RUVBL1: variants seen among roughly 807,000 people sequenced by gnomAD.
RUVBL1 encodes RuvB like AAA ATPase 1.
In RUVBL1, 4 loss-of-function variants were observed where a neutral mutation model predicts 52.4. The ratio of observed to expected loss-of-function variants is 0.08; its 90% CI spans 0.04 to 0.17. The LOEUF (loss-of-function observed/expected upper bound fraction) is 0.17. Ranked by LOEUF, RUVBL1 falls within the 10% of genes least tolerant of loss-of-function variation. The pLI is 1.00. For missense variants in RUVBL1, 298 were observed against 572.8 expected (o/e 0.52, Z 4.90); for synonymous variants, 217 against 214.4 (o/e 1.01, Z -0.10).
intron 2 of RUVBL1, among the ~76,000 whole-genome samples, chr3:128,116,949 T>A (rs1157906949): frequency 6.6e-6 from 1 of 152,246 alleles, no homozygotes; most frequent in African/African-American, 2.4e-5. Context: ...AAGGTGGGTC[T>A]GATGATGGCA....
At chr3:128,066,255 G>A (rs1941974462) in intron 9 of RUVBL1, among the ~76,000 whole-genome samples, 1 of 152,170 alleles carries the variant, frequency 6.6e-6, no homozygotes, top group African/African-American at 2.4e-5. Flanking sequence ...CAGAGCCAGT[G>A]TAAAAGCTTA....
At position 128,107,127 on chromosome 3, in the gene RUVBL1, G is replaced by A. The variant is rs148899370; in HGVS notation, c.362-2203C>T. On this transcript the variant is annotated intron_variant, in intron 3 of 10. Transcript: ENST00000322623. ...AAGACCACTGATGGCCTAAGTTTAC[G>A]AAATACTGCTCTAAATCTCCGCTGG... is the stretch of plus-strand genomic sequence containing the variant. 2.3e-3 allele frequency among the ~76,000 whole-genome samples: 347 copies of A among 152,260 alleles called. 1 individual carries two copies. Among genetic ancestry groups the A allele is most frequent in the Non-Finnish European group, 3.5e-3 (239 of 68,018 alleles).
chr3:128,135,688 C>T (rs1943938053), intron 1 of RUVBL1, among the ~76,000 whole-genome samples: 1 of 152,148 alleles, frequency 6.6e-6, no homozygotes, highest in Admixed American at 6.5e-5. Context: ...ACTTGTCCTA[C>T]AAGAAATGCT....
intron 8 of RUVBL1, among the ~76,000 whole-genome samples, chr3:128,091,659 A>C (rs1375504825): frequency 6.6e-6 from 1 of 152,192 alleles, no homozygotes; most frequent in Non-Finnish European, 1.5e-5. Flanking sequence ...TGGCTGACTC[A>C]TTTGTGACTA....
chr3:128,153,834 G>A, exon 1 of RUVBL1: 1 of 1,501,178 alleles, frequency 6.7e-7, no homozygotes, highest in Non-Finnish European at 8.8e-7. Flanking sequence ...GTGAGCGCGG[G>A]CCGGGGCGGG....
chr3:128,071,118 A>C (rs560145932), intron 9 of RUVBL1: 1 of 152,484 alleles, frequency 6.6e-6, no homozygotes, highest in Non-Finnish European at 1.5e-5. Context: ...GCAGAGGGGC[A>C]CACTCTGGAG....
intron 1 of RUVBL1, among the ~76,000 whole-genome samples, chr3:128,135,070 AT>A (rs1191860355): frequency 6.6e-6 from 1 of 152,236 alleles, no homozygotes; most frequent in Admixed American, 6.5e-5. Flanking sequence ...ATAAGACTAT[AT>A]CTAGACATTT....
At chr3:128,130,002 A>G (rs1943849785) in intron 1 of RUVBL1, among the ~76,000 whole-genome samples, 1 of 152,334 alleles carries the variant, frequency 6.6e-6, no homozygotes, top group South Asian at 2.1e-4. Context: ...AAATGGTTAA[A>G]ATGGTATCGT....
chr3:128,127,965 C>T (rs75938748), upstream of RUVBL1, among the ~76,000 whole-genome samples: 1 of 152,114 alleles, frequency 6.6e-6, no homozygotes, highest in Non-Finnish European at 1.5e-5. Context: ...CCACTGCACT[C>T]CAGCCTGGGC....
At chr3:128,076,747 T>C (rs1576434582), downstream of RUVBL1, among the ~76,000 whole-genome samples, 2 of 152,086 alleles carry the variant, frequency 1.3e-5, no homozygotes, top group East Asian at 3.9e-4. This position sits in a 1 kb window ranked among gnomAD's most constrained non-coding sequence, Gnocchi z 6.8. Context: ...CTGCGCCGTG[T>C]GCCCCAGACC....
At chr3:128,091,726 T>C (rs115945675) in intron 8 of RUVBL1, among the ~76,000 whole-genome samples, 5,470 of 152,302 alleles carry the variant, frequency 0.036, 145 homozygotes, top group Non-Finnish European at 0.053. Flanking sequence ...TTAACTCTTT[T>C]TGAAGGGCTG....
At chr3:128,143,189 T>C (rs1944055797) in intron 1 of RUVBL1, among the ~76,000 whole-genome samples, 1 of 149,626 alleles carries the variant, frequency 6.7e-6, no homozygotes, top group Non-Finnish European at 1.5e-5. Flanking sequence ...TTTTTTTTTT[T>C]TGAGACAGAG....
chr3:128,074,274 A>G (rs1942246250), intron 9 of RUVBL1, among the ~76,000 whole-genome samples: 1 of 152,208 alleles, frequency 6.6e-6, no homozygotes, highest in African/African-American at 2.4e-5. Context: ...TAAACTATCC[A>G]TACACACAAC....
chr3:128,121,159 G>C (rs1359769322), intron 1 of RUVBL1, among the ~76,000 whole-genome samples: 1 of 151,648 alleles, frequency 6.6e-6, no homozygotes, highest in Non-Finnish European at 1.5e-5. Flanking sequence ...GCAATGGCGC[G>C]ATCTCAGCTC....
At chr3:128,066,092 C>T (rs931512045) in intron 9 of RUVBL1, among the ~76,000 whole-genome samples, 2 of 151,948 alleles carry the variant, frequency 1.3e-5, no homozygotes, top group Non-Finnish European at 2.9e-5. Flanking sequence ...GTTCTAGGTA[C>T]TGGGAGCTCA....
intron 2 of RUVBL1, among the ~76,000 whole-genome samples, chr3:128,114,986 A>C (rs1943487051): frequency 6.6e-6 from 1 of 151,066 alleles, no homozygotes; most frequent in Admixed American, 6.6e-5. Context: ...TACTTCCATT[A>C]AAATATGATA....
intron 1 of RUVBL1, among the ~76,000 whole-genome samples, chr3:128,137,343 C>T (rs1234123374): frequency 6.6e-6 from 1 of 151,962 alleles, no homozygotes; most frequent in Non-Finnish European, 1.5e-5. Flanking sequence ...AATGAAATCA[C>T]AGATGAAAAG....
chr3:128,150,774 T>C (rs1944178827), intron 1 of RUVBL1, among the ~76,000 whole-genome samples: 1 of 110,020 alleles, frequency 9.1e-6, no homozygotes, highest in South Asian at 2.5e-4. Flanking sequence ...CTATATATTA[T>C]ATATTCTATA....
upstream of RUVBL1, among the ~76,000 whole-genome samples, chr3:128,126,017 G>C (rs1198248384): frequency 6.6e-6 from 1 of 152,204 alleles, no homozygotes; most frequent in African/African-American, 2.4e-5. Context: ...AGTCCAAAAA[G>C]AGAAAGGGAG....
Sources: allele counts gnomAD v4.1 joint callset (sites outside exome capture counted in the v4.1 genomes callset), GRCh38; gene constraint gnomAD v4.1.1; non-coding constraint Gnocchi (gnomAD v3.1); transcripts MANE v1.5; gene names NCBI Gene and HGNC (gene_info 2026-07-23, HGNC 2026-07-21).